Variants in HAGH observed in about 807,000 individuals in gnomAD.
HAGH encodes the protein hydroxyacylglutathione hydrolase, also known as hydroxyacylglutathione hydrolase, mitochondrial.
HAGH carries 29 observed loss-of-function variants against 35.1 expected under a neutral mutation model. The ratio of observed to expected loss-of-function variants is 0.83; its 90% CI spans 0.62 to 1.13. The LOEUF (loss-of-function observed/expected upper bound fraction) is 1.13, where lower values mean the gene tolerates loss of function less well. Ranked by LOEUF, HAGH falls within the 50% of genes most tolerant of loss-of-function variation. HAGH has a pLI of 0.00. For missense variants in HAGH, 478 were observed against 419.6 expected (o/e 1.14, Z -1.22); for synonymous variants, 225 against 176.1 (o/e 1.28, Z -2.20).
chr16:1,813,182 T>C (rs919344540), intron 7 of HAGH, among the ~76,000 whole-genome samples: 1 of 152,210 alleles, frequency 6.6e-6, no homozygotes, highest in African/African-American at 2.4e-5. Context: ...TGCGAGTTTT[T>C]GCTGTTAGTT....
At chr16:1,821,293 G>A (rs1044893004) in intron 3 of HAGH, among the ~76,000 whole-genome samples, 17 of 152,178 alleles carry the variant, frequency 1.1e-4, no homozygotes, top group African/African-American at 3.6e-4. Context: ...GAACCATGAC[G>A]CTTCCATCAA....
chr16:1,821,238 A>C (rs1898138289), intron 3 of HAGH, among the ~76,000 whole-genome samples: 1 of 152,166 alleles, frequency 6.6e-6, no homozygotes. Flanking sequence ...GAGGGGCCCA[A>C]CTCACAGAGC....
In HAGH at chr16:1,822,301, AGTG is replaced by A; in HGVS notation, c.310_312del (p.His104del). 6.2e-7 allele frequency: 1 copy of A among 1,605,334 alleles called. No homozygotes were observed. Among genetic ancestry groups the A allele is most frequent in the Non-Finnish European group, 8.5e-7 (1 of 1,172,776 alleles). Reference sequence around the variant, plus strand: ...CCCCAGGTGAGACGCGGCACTTACCAGTGGTGGTGGGTGGTGAGCACTGTGGTC... The same window carrying A: ...CCCCAGGTGAGACGCGGCACTTACCAGTGGTGGGTGGTGAGCACTGTGGTC... On this transcript the variant is annotated inframe_deletion and splice_region_variant, in exon 3 of 9. Coordinates refer to ENST00000397356, the MANE Select transcript of HAGH (RefSeq NM_005326.6).
intron 2 of HAGH, among the ~76,000 whole-genome samples, chr16:1,822,639 A>G (rs913054358): frequency 2.6e-5 from 4 of 152,170 alleles, no homozygotes; most frequent in South Asian, 2.1e-4. Flanking sequence ...AGGGGCAGAA[A>G]GCCCCCAAGA....
At chr16:1,822,805 G>C (rs937027635) in intron 2 of HAGH, 60 bp downstream of exon 2, 70 of 1,430,742 alleles carry the variant, frequency 4.9e-5, no homozygotes, top group Non-Finnish European at 6.7e-5. Flanking sequence ...AAACCCATCG[G>C]GGGTGAGGAC....
At chr16:1,820,393 T>C (rs920823004) in intron 3 of HAGH, among the ~76,000 whole-genome samples, 2 of 142,182 alleles carry the variant, frequency 1.4e-5, no homozygotes, top group East Asian at 2.1e-4. Flanking sequence ...GTCCAGGGCA[T>C]GGCCTGGGGG....
In HAGH at chr16:1,822,724, C is replaced by G. The variant is rs567048619; in HGVS notation, c.249+141G>C. The stretch of plus-strand genomic sequence containing the variant: ...CTCTCGCCTCCACCCTTCTTGGAGC[C>G]CTGTTAACAGAGTGGCCGGAGACTA... On this transcript the variant is annotated intron_variant, in intron 2 of 8. Transcript: ENST00000397356. 134 of 708,518 alleles carry G rather than the reference C, an allele frequency of 1.9e-4. 3 individuals are homozygous for G. In the South Asian group the frequency reaches 2.2e-3, roughly 11 times the overall value. The allele number at this position is 708,518 out of a possible 1,614,324, so 43.9% of individuals were successfully genotyped here. A position where few individuals can be genotyped will look rare whatever the true frequency, so the allele number is the denominator to read the frequency against.
intron 7 of HAGH, chr16:1,812,236 T>C (rs1289254982): frequency 1.4e-5 from 2 of 145,820 alleles, no homozygotes; most frequent in Non-Finnish European, 3.0e-5. Flanking sequence ...CCAGGCACAG[T>C]GGCTCACGCC....
Position 1,809,332 on chromosome 16 carries a change from A to G in HAGH, c.878T>C (p.Met293Thr), listed in dbSNP as rs774618430. ...HAGETDPVTT[M>T]RAVRREKDQF... ...GTCCTTCTCCCTGCGCACGGCCCGC[A>G]TGGTGGTCACCGGGTCCGTCTCACC... Residue 293 changes from methionine (M) to threonine (T), a missense_variant, in exon 9 of 9, where the codon ATG (methionine) becomes ACG (threonine). By Grantham distance (81) the Met-to-Thr change is moderately conservative (BLOSUM62 -1). Transcript: ENST00000397356. The G allele has an allele frequency of 1.1e-5, 17 of 1,613,742 alleles. No homozygotes were observed. The highest frequency in any genetic ancestry group is 1.4e-5 in the Non-Finnish European group (16 of 1,179,918).
At chr16:1,821,155 C>T (rs1898135629) in intron 3 of HAGH, among the ~76,000 whole-genome samples, 1 of 152,140 alleles carries the variant, frequency 6.6e-6, no homozygotes, top group African/African-American at 2.4e-5. Context: ...GGACAAGGGC[C>T]AGGGAGGCTG....
At chr16:1,812,863 C>T (rs1048724635) in intron 7 of HAGH, among the ~76,000 whole-genome samples, 9 of 152,040 alleles carry the variant, frequency 5.9e-5, no homozygotes, top group African/African-American at 1.9e-4. Flanking sequence ...TTTCAAACGG[C>T]TGGCTCCACC....
intron 3 of HAGH, 29 bp from the exon 4 acceptor site, chr16:1,820,043 C>T (rs1898080713): frequency 2.2e-6 from 1 of 459,326 alleles, no homozygotes; most frequent in Non-Finnish European, 2.9e-6. Flanking sequence ...ACCTGGGCTG[C>T]CTGCTGAGCT....
chr16:1,822,037 T>C (rs1898174942), intron 3 of HAGH: 1 of 412,910 alleles, frequency 2.4e-6, no homozygotes, highest in Non-Finnish European at 4.4e-6. Flanking sequence ...CAAACCCGCA[T>C]GGCCCAGGAG....
intron 5 of HAGH, among the ~76,000 whole-genome samples, chr16:1,817,918 A>G (rs1311701198): frequency 6.6e-6 from 1 of 152,082 alleles, no homozygotes; most frequent in East Asian, 1.9e-4. Context: ...GGTGCCCAGC[A>G]CCCAGCACAG....
chr16:1,819,151 T>C lies in HAGH; in HGVS notation c.505A>G (p.Lys169Glu). 2.5e-6 allele frequency: 4 copies of C among 1,613,190 alleles called. No homozygotes were observed. Among genetic ancestry groups the C allele is most frequent in the Non-Finnish European group, 3.4e-6 (4 of 1,179,650 alleles). Residue 169 changes from lysine to glutamate, a missense_variant, in exon 5 of 9, where the codon AAG becomes GAG. Lys to Glu is a moderately conservative substitution (Grantham distance 56). Coordinates refer to ENST00000397356, the MANE Select transcript of HAGH (RefSeq NM_005326.6). ...TSGHICYFVS[K>E]PGGSEPPAVF... ...GCAGGGGGCTCCGAGCCTCCGGGCT[T>C]GCTCACGAAGTAACAAATGTGTCCT...
chr16:1,807,920 G>C lies in HAGH; in HGVS notation c.*1363C>G, dbSNP rs922733488. ...AGGCTTGCTCCTAGGTCCCAGGGCC[G>C]CTCTGCCCCTCCACTCAGAAGAGTC... On this transcript the variant is annotated 3_prime_UTR_variant, in exon 9 of 9. Coordinates refer to ENST00000397356, the MANE Select transcript of HAGH (RefSeq NM_005326.6). 6.6e-6 allele frequency: 1 copy of C among 152,166 alleles called. No individual in the cohort carries two copies. The highest frequency in any genetic ancestry group is 1.5e-5 in the Non-Finnish European group (1 of 68,070). The allele number at this position is 152,166 out of a possible 1,614,324, so 9.4% of individuals were successfully genotyped here. A position where few individuals can be genotyped will look rare whatever the true frequency, so the allele number is the denominator to read the frequency against.
intron 7 of HAGH, among the ~76,000 whole-genome samples, chr16:1,816,534 G>A (rs1453379344): frequency 6.6e-6 from 1 of 152,110 alleles, no homozygotes. Flanking sequence ...CGCCATGGAG[G>A]CTCACGTGGG....
intron 3 of HAGH, 197 bp downstream of exon 3, chr16:1,822,103 G>A (rs1014037517): frequency 5.1e-6 from 3 of 587,512 alleles, no homozygotes; most frequent in East Asian, 5.6e-5. Flanking sequence ...CTCACCCTCG[G>A]GGCCTCAGAG....
chr16:1,819,858 C>A, intron 4 of HAGH, 39 bp downstream of exon 4: 1 of 1,299,814 alleles, frequency 7.7e-7, no homozygotes, highest in Non-Finnish European at 1.1e-6. Context: ...ACGCTCCTGA[C>A]AGGGCCACGC....
Sources: allele counts gnomAD v4.1 joint callset (sites outside exome capture counted in the v4.1 genomes callset), GRCh38; gene constraint gnomAD v4.1.1; transcripts MANE v1.5; gene names NCBI Gene and HGNC (gene_info 2026-07-23, HGNC 2026-07-21).